Variants in SYNPO2 observed in about 807,000 individuals in gnomAD.
The protein encoded by SYNPO2 is synaptopodin-2.
In SYNPO2, 56 loss-of-function variants were observed where a neutral mutation model predicts 85.0. The observed-to-expected ratio is 0.66, with a 90% CI of 0.53 to 0.82. The LOEUF (loss-of-function observed/expected upper bound fraction) is 0.82. Ranked by LOEUF, SYNPO2 falls within the 40% of genes least tolerant of loss-of-function variation. SYNPO2 has a pLI of 0.00. For missense variants in SYNPO2, 1,575 were observed against 1,534.2 expected (o/e 1.03, Z -0.44); for synonymous variants, 602 against 591.1 (o/e 1.02, Z -0.27).
chr4:118,960,284 C>T (rs1300703041), intron 1 of SYNPO2, among the ~76,000 whole-genome samples: 1 of 152,052 alleles, frequency 6.6e-6, no homozygotes, highest in Non-Finnish European at 1.5e-5. Context: ...ATAAACAGAT[C>T]TAAAAGATAT....
intron 1 of SYNPO2, among the ~76,000 whole-genome samples, chr4:118,858,269 T>C (rs773080249): frequency 5.9e-5 from 9 of 152,186 alleles, no homozygotes; most frequent in Non-Finnish European, 1.0e-4. Flanking sequence ...ACAAGTACAT[T>C]AGACACTTTT....
At chr4:118,952,122 C>G (rs1214762225) in intron 1 of SYNPO2, among the ~76,000 whole-genome samples, 1 of 152,154 alleles carries the variant, frequency 6.6e-6, no homozygotes. Context: ...TCCCCAACCT[C>G]CCAGCTCTGG....
rs182733049 is a variant in SYNPO2 at position 118,959,434 on chromosome 4, T to C, written c.106-63996T>C. On this transcript the variant is annotated intron_variant, in intron 1 of 4. Coordinates refer to ENST00000307142, the MANE Select transcript of SYNPO2 (RefSeq NM_133477.3). Reference sequence around the variant, plus strand: ...ACAAAATAAAAAAGGGCTTTTCTTCTCTCTCACTTTTTCCAGGTGCTCACC... The same window carrying C: ...ACAAAATAAAAAAGGGCTTTTCTTCCCTCTCACTTTTTCCAGGTGCTCACC... Among the ~76,000 whole-genome samples the C allele has an allele frequency of 2.0e-5, 3 of 152,334 alleles. No homozygotes were observed. The East Asian group carries it at 5.8e-4, about 29-fold the overall frequency.
At chr4:118,952,892 C>T (rs574815872) in intron 1 of SYNPO2, among the ~76,000 whole-genome samples, 1 of 152,034 alleles carries the variant, frequency 6.6e-6, no homozygotes, top group Non-Finnish European at 1.5e-5. Context: ...ATTATGATAC[C>T]AATTTTCTAA....
In SYNPO2 at chr4:119,035,312, A is replaced by C. The variant is rs1425815346; in HGVS notation, c.3252+3285A>C. 5.1e-6 allele frequency: 5 copies of C among 985,336 alleles called. No homozygotes were observed. The African/African-American group carries it at 7.0e-5, about 14-fold the overall frequency. 61.0% of individuals were successfully genotyped at this position (985,336 alleles called of 1,614,324 possible). A position where few individuals can be genotyped will look rare whatever the true frequency, so the allele number is the denominator to read the frequency against. On this transcript the variant is annotated intron_variant, in intron 4 of 4. Coordinates refer to ENST00000307142, the MANE Select transcript of SYNPO2 (RefSeq NM_133477.3). ...TAGGAGGAAGGAAGGTTCCATGGAC[A>C]TGTAAGTACAGCATATTCCCCTCAG...
rs547181288 is a variant in SYNPO2, at chr4:119,031,019, C to G, written c.2244C>G (p.Ser748Arg). 5.1e-5 allele frequency: 83 copies of G among 1,613,944 alleles called. No homozygotes were observed. The highest frequency in any genetic ancestry group is 6.5e-5 in the Non-Finnish European group (77 of 1,180,018). Residue 748 changes from serine (S) to arginine (R), a missense_variant, in exon 4 of 5, where the codon AGC (serine) becomes AGG (arginine). Ser to Arg is a moderately radical substitution (Grantham distance 110, BLOSUM62 -1). This residue lies in a region of SYNPO2 where 1,508 missense variants were observed against 1,446.8 expected (regional missense o/e 1.04). Coordinates refer to ENST00000307142, the MANE Select transcript of SYNPO2 (RefSeq NM_133477.3). ...CAGAGGCTTGTAATTTCATGCAAAG[C>G]TCCTCTGCCAAACAAAAGACCCCTC... ...LGAEACNFMQ[S>R]SSAKQKTPPP...
At chr4:118,909,931 G>C (rs552847274) in intron 1 of SYNPO2, among the ~76,000 whole-genome samples, 1 of 152,160 alleles carries the variant, frequency 6.6e-6, no homozygotes, top group Non-Finnish European at 1.5e-5. Context: ...GGCATTTACT[G>C]ATCATTCACA....
intron 1 of SYNPO2, among the ~76,000 whole-genome samples, chr4:118,970,260 C>T: frequency 6.6e-6 from 1 of 152,158 alleles, no homozygotes; most frequent in East Asian, 1.9e-4. Flanking sequence ...ATAAACTACA[C>T]TTCTACCCTA....
At chr4:119,028,221 TG>T (rs1343725216) in intron 3 of SYNPO2, among the ~76,000 whole-genome samples, 29 of 109,644 alleles carry the variant, frequency 2.6e-4, no homozygotes, top group Admixed American at 7.2e-4. Flanking sequence ...TATTTTTGTT[TG>T]TTTTTTTTTT....
At chr4:118,922,258 G>A (rs1476588792) in intron 1 of SYNPO2, among the ~76,000 whole-genome samples, 2 of 151,954 alleles carry the variant, frequency 1.3e-5, no homozygotes, top group Non-Finnish European at 2.9e-5. Flanking sequence ...TTATCGATTC[G>A]AATCAGGTGT....
chr4:118,889,159 T>A lies in SYNPO2; in HGVS notation c.105+18T>A. 1.9e-6 allele frequency: 3 copies of A among 1,612,158 alleles called. No individual in the cohort carries two copies. The highest frequency in any genetic ancestry group is 2.5e-6 in the Non-Finnish European group (3 of 1,178,668). On this transcript the variant is annotated intron_variant, in intron 1 of 4. Coordinates refer to ENST00000307142, the MANE Select transcript of SYNPO2 (RefSeq NM_133477.3). ...TTGCAAAGGTAGGACCTGAACGAAG[T>A]GTCACGGCTCTGTGCTAGGAAGGAA...
intron 1 of SYNPO2, among the ~76,000 whole-genome samples, chr4:118,965,386 T>A (rs1735274703): frequency 6.6e-6 from 1 of 151,952 alleles, no homozygotes. Context: ...CCTCACATCA[T>A]CCCTCCTGCA....
intron 1 of SYNPO2, among the ~76,000 whole-genome samples, chr4:118,865,520 A>T (rs1336878655): frequency 6.6e-6 from 1 of 152,250 alleles, no homozygotes; most frequent in African/African-American, 2.4e-5. Flanking sequence ...TCAGGTTGGT[A>T]AGTGTCAGAG....
intron 1 of SYNPO2, among the ~76,000 whole-genome samples, chr4:118,972,725 C>T (rs879769129): frequency 2.0e-5 from 3 of 152,154 alleles, no homozygotes; most frequent in Non-Finnish European, 4.4e-5. Flanking sequence ...CCACTGCCTA[C>T]AATTTTAAGT....
chr4:118,920,587 A>AT (rs1733500847), intron 1 of SYNPO2, among the ~76,000 whole-genome samples: 1 of 152,120 alleles, frequency 6.6e-6, no homozygotes, highest in Non-Finnish European at 1.5e-5. Flanking sequence ...AAAGGCAATA[A>AT]TTTTCTGTCT....
At chr4:118,858,459 T>A (rs1351979090) in intron 1 of SYNPO2, among the ~76,000 whole-genome samples, 1 of 152,230 alleles carries the variant, frequency 6.6e-6, no homozygotes, top group African/African-American at 2.4e-5. Flanking sequence ...TTTATTTTGG[T>A]GGCAGATTTT....
At chr4:118,922,526 C>G (rs1246791934) in intron 1 of SYNPO2, among the ~76,000 whole-genome samples, 1 of 151,872 alleles carries the variant, frequency 6.6e-6, no homozygotes, top group African/African-American at 2.4e-5. Context: ...ACAGGTTTTG[C>G]TCTCCACTCT....
intron 1 of SYNPO2, among the ~76,000 whole-genome samples, chr4:119,023,117 T>A (rs1221970368): frequency 6.6e-6 from 1 of 152,230 alleles, no homozygotes; most frequent in Non-Finnish European, 1.5e-5. Flanking sequence ...GCCTTTAACA[T>A]CTTTTTTCAC....
intron 4 of SYNPO2, among the ~76,000 whole-genome samples, chr4:119,046,119 T>G (rs1738861261): frequency 1.3e-5 from 2 of 152,264 alleles, no homozygotes; most frequent in South Asian, 2.1e-4. Flanking sequence ...ATAAGGTTGT[T>G]GAGAGGATTA....
Sources: allele counts gnomAD v4.1 joint callset (sites outside exome capture counted in the v4.1 genomes callset), GRCh38; gene constraint gnomAD v4.1.1; regional missense constraint gnomAD v4.1.1; transcripts MANE v1.5; gene names NCBI Gene and HGNC (gene_info 2026-07-23, HGNC 2026-07-21).